TRIO: variants seen among roughly 807,000 people sequenced by gnomAD.
TRIO encodes the protein trio Rho guanine nucleotide exchange factor, also known as triple functional domain protein.
In TRIO, 58 loss-of-function variants were observed where a neutral mutation model predicts 351.9. The ratio of observed to expected loss-of-function variants is 0.16; its 90% CI spans 0.13 to 0.21. TRIO has a LOEUF of 0.21. Ranked by LOEUF, TRIO falls within the 10% of genes least tolerant of loss-of-function variation. TRIO has a pLI of 1.00. For synonymous variants in TRIO, 1,758 were observed against 1,595.7 expected, an observed-to-expected ratio of 1.10 and a Z score of -2.42; for missense variants, 3,201 against 4,027.8, an observed-to-expected ratio of 0.79 and a Z score of 5.56.
At chr5:14,248,975 G>A (rs914427818) in intron 1 of TRIO, among the ~76,000 whole-genome samples, 1 of 152,184 alleles carries the variant, frequency 6.6e-6, no homozygotes, top group Non-Finnish European at 1.5e-5. Flanking sequence ...GATTTGCTGA[G>A]CTTCTGTCCA....
At chr5:14,283,964 ATAC>A (rs1400142755) in intron 3 of TRIO, among the ~76,000 whole-genome samples, 2 of 151,958 alleles carry the variant, frequency 1.3e-5, no homozygotes, top group Non-Finnish European at 2.9e-5. Context: ...ACTGTATTTA[ATAC>A]TAATTATGTT....
chr5:14,484,890 A>G lies in TRIO; in HGVS notation c.6658-179A>G, dbSNP rs26099. Among the ~76,000 whole-genome samples the G allele has an allele frequency of 0.55, 83,457 of 152,018 alleles. 25,923 individuals are homozygous for G. Among genetic ancestry groups the G allele is most frequent in the African/African-American group, 0.86 (35,488 of 41,470 alleles). ...TTTTGAGACTGGCATATTTCACTTA[A>G]CATAACGTCTTCAAGGTTCATCCAT... On this transcript the variant is annotated intron_variant, in intron 46 of 56. Coordinates refer to ENST00000344204, the MANE Select transcript of TRIO (RefSeq NM_007118.4).
chr5:14,265,453 AATTTGATTC>A (rs1489973432), intron 1 of TRIO, among the ~76,000 whole-genome samples: 1 of 152,230 alleles, frequency 6.6e-6, no homozygotes, highest in Non-Finnish European at 1.5e-5. Flanking sequence ...AAAATTTTAA[AATTTGATTC>A]ATTTGATTCA....
intron 1 of TRIO, among the ~76,000 whole-genome samples, chr5:14,200,119 C>G (rs917434324): frequency 6.6e-6 from 1 of 152,116 alleles, no homozygotes; most frequent in African/African-American, 2.4e-5. Flanking sequence ...CCAGCCAGGA[C>G]AGCAGTGTCC....
At chr5:14,402,972 G>A (rs1748218157) in intron 31 of TRIO, among the ~76,000 whole-genome samples, 1 of 152,106 alleles carries the variant, frequency 6.6e-6, no homozygotes, top group African/African-American at 2.4e-5. Context: ...GATTTTAATG[G>A]TAGTAAGGTT....
intron 9 of TRIO, among the ~76,000 whole-genome samples, chr5:14,320,697 A>G (rs1413428433): frequency 6.6e-6 from 1 of 152,164 alleles, no homozygotes. Flanking sequence ...TGAATGTGCG[A>G]TGCTCTGAAA....
chr5:14,381,734 T>G (rs1746125359), intron 21 of TRIO, among the ~76,000 whole-genome samples: 1 of 152,236 alleles, frequency 6.6e-6, no homozygotes, highest in Non-Finnish European at 1.5e-5. Context: ...TGTTTTATGG[T>G]TGGCAGAGTC....
chr5:14,340,165 C>T (rs1191482140), intron 11 of TRIO, among the ~76,000 whole-genome samples: 3 of 152,084 alleles, frequency 2.0e-5, no homozygotes, highest in Admixed American at 6.5e-5. Context: ...GAGGCTGAGG[C>T]AGTTGGATCA....
At chr5:14,471,930 AC>A (rs1256430782) in intron 38 of TRIO, among the ~76,000 whole-genome samples, 3 of 152,226 alleles carry the variant, frequency 2.0e-5, no homozygotes, top group Admixed American at 6.5e-5. Context: ...AAAAAAAAAA[AC>A]GTAAGCTACG....
chr5:14,474,698 C>G (rs1260449554), intron 40 of TRIO, among the ~76,000 whole-genome samples: 1 of 152,172 alleles, frequency 6.6e-6, no homozygotes, highest in Non-Finnish European at 1.5e-5. Context: ...GGGTCTTGCT[C>G]TGTCACCAAA....
intron 11 of TRIO, among the ~76,000 whole-genome samples, chr5:14,347,709 G>A (rs1255202327): frequency 6.6e-6 from 1 of 152,238 alleles, no homozygotes; most frequent in African/African-American, 2.4e-5. Flanking sequence ...TTGGTGAGTG[G>A]ATGACGTCAG....
chr5:14,382,806 A>G (rs1471954429), intron 21 of TRIO, among the ~76,000 whole-genome samples: 1 of 152,024 alleles, frequency 6.6e-6, no homozygotes, highest in Non-Finnish European at 1.5e-5. Context: ...GCTGGAATAC[A>G]TAATAGTTAT....
At chr5:14,411,412 T>C (rs1429994042) in intron 33 of TRIO, among the ~76,000 whole-genome samples, 4 of 152,156 alleles carry the variant, frequency 2.6e-5, no homozygotes, top group Non-Finnish European at 5.9e-5. Flanking sequence ...CGAGATGAGG[T>C]ATCCTGTGGA....
At chr5:14,213,672 A>C (rs1449236607) in intron 1 of TRIO, among the ~76,000 whole-genome samples, 1 of 152,244 alleles carries the variant, frequency 6.6e-6, no homozygotes, top group Non-Finnish European at 1.5e-5. Context: ...CACAGGAGAG[A>C]ACTGTAAAGT....
chr5:14,373,127 A>G (rs1469943511), intron 18 of TRIO, among the ~76,000 whole-genome samples: 1 of 152,214 alleles, frequency 6.6e-6, no homozygotes, highest in Non-Finnish European at 1.5e-5. Flanking sequence ...CGAGAACAGC[A>G]TGGGGGACCA....
chr5:14,356,308 A>G (rs920710235), intron 11 of TRIO, among the ~76,000 whole-genome samples: 2 of 152,256 alleles, frequency 1.3e-5, no homozygotes, highest in African/African-American at 4.8e-5. Context: ...TCAGAGAAAC[A>G]AAGTCATCTG....
At chr5:14,411,062 CG>C (rs1749158829) in intron 33 of TRIO, among the ~76,000 whole-genome samples, 1 of 152,124 alleles carries the variant, frequency 6.6e-6, no homozygotes, top group African/African-American at 2.4e-5. Flanking sequence ...CATCTCCCTG[CG>C]GTAGGGAGGA....
intron 13 of TRIO, 34 bp downstream of exon 13, chr5:14,359,565 T>G: frequency 6.2e-7 from 1 of 1,604,682 alleles, no homozygotes; most frequent in Non-Finnish European, 8.5e-7. Flanking sequence ...TGCCTGCCTG[T>G]GGGAGCCCTT....
At chr5:14,266,918 T>C (rs747297141) in intron 1 of TRIO, among the ~76,000 whole-genome samples, 1 of 152,324 alleles carries the variant, frequency 6.6e-6, no homozygotes, top group Non-Finnish European at 1.5e-5. Flanking sequence ...CTTCTGCACC[T>C]AGAGATAAGC....
Sources: gnomAD v4.1 joint callset for allele counts (sites outside exome capture counted in the v4.1 genomes callset) on GRCh38, gnomAD v4.1.1 for gene constraint, MANE v1.5 for transcripts, NCBI Gene and HGNC (gene_info 2026-07-23, HGNC 2026-07-21) for gene names.